Variants in NEU3 observed in about 807,000 individuals in gnomAD.
NEU3 encodes neuraminidase 3, also known as sialidase-3.
Under a neutral mutation model 11.4 loss-of-function variants are expected in NEU3, and 10 were observed. The ratio of observed to expected loss-of-function variants is 0.88; its 90% CI spans 0.54 to 1.49. The LOEUF (loss-of-function observed/expected upper bound fraction) is 1.49, where lower values mean the gene tolerates loss of function less well. Among genes scored for constraint, NEU3 ranks in the 40% most tolerant of loss-of-function variants. NEU3 has a pLI of 0.00. For synonymous variants in NEU3, 212 were observed against 228.2 expected (o/e 0.93, Z 0.64); for missense variants, 529 against 581.8 (o/e 0.91, Z 0.93).
chr11:74,989,708 T>G (rs1247168890), intron 1 of NEU3, among the ~76,000 whole-genome samples: 1 of 152,186 alleles, frequency 6.6e-6, no homozygotes, highest in Non-Finnish European at 1.5e-5. Flanking sequence ...ATTATTATAG[T>G]CTGAGAAGTA....
downstream of NEU3, among the ~76,000 whole-genome samples, chr11:75,012,714 C>T (rs1948964149): frequency 6.6e-6 from 1 of 152,176 alleles, no homozygotes; most frequent in African/African-American, 2.4e-5. Flanking sequence ...ACCCTCTTTT[C>T]CCAAGACTGA....
intron 2 of NEU3, chr11:75,004,496 C>A: frequency 2.2e-6 from 1 of 455,468 alleles, no homozygotes; most frequent in Admixed American, 4.0e-5. Context: ...TGCCCTTTGC[C>A]CATTTCTGTT....
At chr11:74,997,923 A>G (rs562295937) in intron 2 of NEU3, among the ~76,000 whole-genome samples, 1 of 152,260 alleles carries the variant, frequency 6.6e-6, no homozygotes, top group Non-Finnish European at 1.5e-5. Context: ...CAAGAGGCCT[A>G]GCTATCGGCC....
At chr11:75,017,736 A>G (rs1168665100) in intron 3 of NEU3, among the ~76,000 whole-genome samples, 1 of 152,100 alleles carries the variant, frequency 6.6e-6, no homozygotes, top group Admixed American at 6.5e-5. Flanking sequence ...TCTCAGGGCT[A>G]TGGGGGGATG....
rs1591763304 is a variant in NEU3, at chr11:75,008,523, G to A, written c.*2031G>A. The A allele has an allele frequency of 2.0e-5, 3 of 151,750 alleles. No individual in the cohort carries two copies. Among genetic ancestry groups the A allele is most frequent in the African/African-American group, 7.3e-5 (3 of 41,254 alleles). 9.4% of individuals were successfully genotyped at this position (151,750 alleles called of 1,614,324 possible). ...GAGGATGGCCAAGTCGTACAACCAGGGCTAAAGGATGAAAAGAATGAGAAT... is the reference window on the plus strand; with the variant it reads ...GAGGATGGCCAAGTCGTACAACCAGAGCTAAAGGATGAAAAGAATGAGAAT... On this transcript the variant is annotated 3_prime_UTR_variant, in exon 3 of 3. Coordinates refer to ENST00000294064, the MANE Select transcript of NEU3 (RefSeq NM_006656.6).
At chr11:74,980,957 A>G in the NEU3 span, among the ~76,000 whole-genome samples, 2 of 152,236 alleles carry the variant, frequency 1.3e-5, no homozygotes, top group East Asian at 3.8e-4. Flanking sequence ...AAGAAGGGAA[A>G]TTCCTTATTC....
At position 75,009,603 on chromosome 11, in the gene NEU3, A is replaced by T. The variant is rs1238318809; in HGVS notation, c.*3111A>T. 1 of 152,350 alleles carries T rather than the reference A, an allele frequency of 6.6e-6. No homozygotes were observed. Among genetic ancestry groups the T allele is most frequent in the African/African-American group, 2.4e-5 (1 of 41,450 alleles). The allele number at this position is 152,350 out of a possible 1,614,324, so 9.4% of individuals were successfully genotyped here. On this transcript the variant is annotated 3_prime_UTR_variant, in exon 3 of 3. Coordinates refer to ENST00000294064, the MANE Select transcript of NEU3 (RefSeq NM_006656.6). ...GAAGGGTGGCCTATAATCTACAGGC[A>T]TGTAGAGAGGACTACATAGGCCTCT... is the stretch of plus-strand genomic sequence containing the variant.
At chr11:75,014,728 A>G (rs913593232), downstream of NEU3, among the ~76,000 whole-genome samples, 11 of 151,972 alleles carry the variant, frequency 7.2e-5, no homozygotes, top group Admixed American at 5.2e-4. Flanking sequence ...AGCCAGGTGT[A>G]GGGGCACGCA....
At chr11:75,019,049 GA>G (rs1277806759), downstream of NEU3, among the ~76,000 whole-genome samples, 1 of 152,198 alleles carries the variant, frequency 6.6e-6, no homozygotes, top group African/African-American at 2.4e-5. Context: ...GAACTTGAGA[GA>G]GATGATTTAA....
downstream of NEU3, among the ~76,000 whole-genome samples, chr11:75,011,845 T>C (rs577532748): frequency 4.8e-4 from 73 of 152,048 alleles, no homozygotes; most frequent in African/African-American, 1.5e-3. Context: ...TTTTTTTTTT[T>C]CCTAAGTTTG....
At chr11:74,983,803 C>CAG (rs1948652286), upstream of NEU3, among the ~76,000 whole-genome samples, 1 of 152,190 alleles carries the variant, frequency 6.6e-6, no homozygotes, top group African/African-American at 2.4e-5. Flanking sequence ...AGTGCAATCA[C>CAG]TAATACATCC....
rs982601866 is a variant in NEU3 at position 74,988,990 on chromosome 11, T to A, written c.-71T>A. 8.4e-7 allele frequency: 1 copy of A among 1,184,632 alleles called. No individual in the cohort carries two copies. 73.4% of individuals were successfully genotyped at this position (1,184,632 alleles called of 1,614,324 possible). A position where few individuals can be genotyped will look rare whatever the true frequency, so the allele number is the denominator to read the frequency against. On this transcript the variant is annotated 5_prime_UTR_variant, in exon 1 of 3. Coordinates refer to ENST00000294064, the MANE Select transcript of NEU3 (RefSeq NM_006656.6). ...CTCCGTGTCCTCCGTCTCAGTTGTT[T>A]CTCCCTCTCTATCCTCCTCTGTCTC... is the stretch of plus-strand genomic sequence containing the variant.
downstream of NEU3, among the ~76,000 whole-genome samples, chr11:75,015,488 G>A (rs1273622080): frequency 2.6e-5 from 4 of 152,106 alleles, no homozygotes. Flanking sequence ...AACAAAAAAA[G>A]TTTCCTGGCC....
In NEU3 at chr11:75,007,392, T is replaced by C. The variant is rs976099712; in HGVS notation, c.*900T>C. 6.6e-6 allele frequency: 1 copy of C among 152,126 alleles called. No individual in the cohort carries two copies. The highest frequency in any genetic ancestry group is 2.4e-5 in the African/African-American group (1 of 41,408). 9.4% of individuals were successfully genotyped at this position (152,126 alleles called of 1,614,324 possible). On this transcript the variant is annotated 3_prime_UTR_variant, in exon 3 of 3. Coordinates refer to ENST00000294064, the MANE Select transcript of NEU3 (RefSeq NM_006656.6). ...AGAAGAGCGAGAAAATTCAAGAAAA[T>C]AAATGTAGCTGGTGGGAGACTTTGT...
In NEU3 at chr11:75,010,898, A is replaced by G. The variant is rs562274385; in HGVS notation, c.*4406A>G. 9 of 151,928 alleles carry G rather than the reference A, an allele frequency of 5.9e-5. No homozygotes were observed. Among genetic ancestry groups the G allele is most frequent in the Non-Finnish European group, 1.2e-4 (8 of 68,014 alleles). 9.4% of individuals were successfully genotyped at this position (151,928 alleles called of 1,614,324 possible). On this transcript the variant is annotated 3_prime_UTR_variant, in exon 3 of 3. Coordinates refer to ENST00000294064, the MANE Select transcript of NEU3 (RefSeq NM_006656.6). ...ACAACAAAGAGGAATAAAGAACTTA[A>G]TTCTGGTGACTATTGTTTTTTTTTT...
rs1272698451 is a variant in NEU3 at position 75,009,834 on chromosome 11, A to G, written c.*3342A>G. ...CCTCAGGCCATTGTCTGGGTGCTTA[A>G]TTTGACTTGTTTCCCCTGGTCACCA... On this transcript the variant is annotated 3_prime_UTR_variant, in exon 3 of 3. Coordinates refer to ENST00000294064, the MANE Select transcript of NEU3 (RefSeq NM_006656.6). 2.0e-5 allele frequency: 3 copies of G among 152,158 alleles called. No homozygotes were observed. The allele number at this position is 152,158 out of a possible 1,614,324, so 9.4% of individuals were successfully genotyped here.
chr11:75,004,374 G>A, intron 2 of NEU3: 3 of 606,952 alleles, frequency 4.9e-6, no homozygotes, highest in South Asian at 1.9e-5. Context: ...AAAGTGCTGG[G>A]ATTACAGCAT....
At chr11:74,995,914 G>A (rs1368877612) in intron 2 of NEU3, among the ~76,000 whole-genome samples, 6 of 152,034 alleles carry the variant, frequency 3.9e-5, no homozygotes, top group African/African-American at 1.2e-4. Flanking sequence ...AGAACTTTGC[G>A]AGGCCAAAGT....
chr11:74,993,583 G>A, intron 1 of NEU3, among the ~76,000 whole-genome samples: 1 of 152,204 alleles, frequency 6.6e-6, no homozygotes, highest in East Asian at 1.9e-4. Flanking sequence ...TCTGCACCCT[G>A]TGTAGGGTGT....
Sources: gnomAD v4.1 joint callset for allele counts (sites outside exome capture counted in the v4.1 genomes callset) on GRCh38, gnomAD v4.1.1 for gene constraint, MANE v1.5 for transcripts, NCBI Gene and HGNC (gene_info 2026-07-23, HGNC 2026-07-21) for gene names.